NPLOC4: variants seen among roughly 807,000 people sequenced by gnomAD.
NPLOC4 encodes the protein NPL4 homolog, ubiquitin recognition factor.
In NPLOC4, 18 loss-of-function variants were observed where a neutral mutation model predicts 80.6. The observed-to-expected ratio is 0.22, with a 90% CI of 0.15 to 0.33. NPLOC4 has a LOEUF of 0.33. Ranked by LOEUF, NPLOC4 falls within the 10% of genes least tolerant of loss-of-function variation. The pLI, the probability that NPLOC4 is intolerant of heterozygous loss-of-function variation, is 1.00. For missense variants in NPLOC4, 540 were observed against 786.1 expected, an observed-to-expected ratio of 0.69 and a Z score of 3.74; for synonymous variants, 313 against 301.5, an observed-to-expected ratio of 1.04 and a Z score of -0.39.
intron 8 of NPLOC4, among the ~76,000 whole-genome samples, chr17:81,602,228 A>T (rs905651690): frequency 6.6e-6 from 1 of 152,078 alleles, no homozygotes; most frequent in African/African-American, 2.4e-5. Flanking sequence ...TCAAAACAAA[A>T]CAAAACAAAC....
In NPLOC4 at chr17:81,577,191, T is replaced by TC. The variant is rs1485818037; in HGVS notation, c.1282-5104dup. ...TGAAGGAACGCTGTTCCCTTGCTGC[T>TC]CCTATGTCCCCTCAGCTCCCCACGG... On this transcript the variant is annotated intron_variant, in intron 12 of 16. Transcript: ENST00000331134. The surrounding 1 kb of genome is among the most constrained non-coding windows in gnomAD (Gnocchi z 4.3). Among the ~76,000 whole-genome samples the TC allele has an allele frequency of 6.6e-6, 1 of 151,886 alleles. No homozygotes were observed. The highest frequency in any genetic ancestry group is 1.5e-5 in the Non-Finnish European group (1 of 67,970).
chr17:81,617,728 G>T (rs1183651550), intron 3 of NPLOC4, among the ~76,000 whole-genome samples: 1 of 142,862 alleles, frequency 7.0e-6, no homozygotes, highest in Non-Finnish European at 1.5e-5. Context: ...GGACTGTACT[G>T]CTGCCATCTC....
intron 2 of NPLOC4, among the ~76,000 whole-genome samples, chr17:81,626,633 G>A (rs2035802581): frequency 6.6e-6 from 1 of 152,090 alleles, no homozygotes; most frequent in African/African-American, 2.4e-5. Context: ...AGGAAATCAA[G>A]ACCAGCCTAG....
rs916787216 is a variant in NPLOC4 at position 81,588,991 on chromosome 17, C to T, written c.1234G>A (p.Ala412Thr). The T allele has an allele frequency of 1.2e-6, 2 of 1,614,034 alleles. No individual in the cohort carries two copies. Among genetic ancestry groups the T allele is most frequent in the Non-Finnish European group, 1.7e-6 (2 of 1,179,890 alleles). ...TACTGCTCACTGCTAGACTCCTTGG[C>T]GTAGCCAAGCTCCGGGGCGTCCTTG... ...PCKDAPELGYAKESSSEQYVP... is the reference protein window; with the variant it reads ...PCKDAPELGYTKESSSEQYVP... The change falls in exon 12 of 17, where the codon GCC (alanine) becomes ACC (threonine). Residue 412 changes from alanine (A) to threonine (T), a missense_variant. Around this residue, in one of 6 missense-constraint regions of NPLOC4, gnomAD observed 251 missense variants for 377.5 expected, o/e 0.66. Coordinates refer to ENST00000331134, the MANE Select transcript of NPLOC4 (RefSeq NM_017921.4).
In NPLOC4 at chr17:81,580,639, C is replaced by A. The variant is rs886556688; in HGVS notation, c.1281+8305G>T. Among the ~76,000 whole-genome samples, 45 of 152,150 alleles carry A rather than the reference C, an allele frequency of 3.0e-4. No homozygotes were observed. Among genetic ancestry groups the A allele is most frequent in the African/African-American group, 1.0e-3 (43 of 41,442 alleles). ...TCTGCCAATTGACACCTTCTCTCCC[C>A]TCTCAGGACTCGACCCACCAGGGCA... is the stretch of plus-strand genomic sequence containing the variant. On this transcript the variant is annotated intron_variant, in intron 12 of 16. Coordinates refer to ENST00000331134, the MANE Select transcript of NPLOC4 (RefSeq NM_017921.4). This position sits in a 1 kb window ranked among gnomAD's most constrained non-coding sequence, Gnocchi z 4.4.
intron 9 of NPLOC4, among the ~76,000 whole-genome samples, chr17:81,597,944 A>C (rs1196769172): frequency 1.3e-5 from 2 of 150,092 alleles, no homozygotes; most frequent in Non-Finnish European, 3.0e-5. Flanking sequence ...AATAGAAAAA[A>C]ATTAGCCGGG....
chr17:81,633,390 G>A (rs2035981587), intron 1 of NPLOC4, among the ~76,000 whole-genome samples: 1 of 152,156 alleles, frequency 6.6e-6, no homozygotes. Context: ...ATTCTTTACA[G>A]AGCTAAATGG....
Position 81,585,170 on chromosome 17 carries a change from C to CAAAAAAAAAAAAAA in NPLOC4, c.1281+3760_1281+3773dup, listed in dbSNP as rs35473939. 2.4e-4 allele frequency among the ~76,000 whole-genome samples: 10 copies of CAAAAAAAAAAAAAA among 40,872 alleles called. 1 individual carries two copies. The highest frequency in any genetic ancestry group is 1.2e-3 in the African/African-American group (9 of 7,622). The allele number at this position is 40,872 out of a possible 152,430, so 26.8% of individuals were successfully genotyped here. ...GGGCGACAGAACGAGACTCTGTCGC[C>CAAAAAAAAAAAAAA]AAAAAAAAAAAAAAAAAAAAAAAAA... On this transcript the variant is annotated intron_variant, in intron 12 of 16. Transcript: ENST00000331134.
Position 81,559,298 on chromosome 17 carries a change from G to A in NPLOC4, c.1788C>T (p.Gly596=). 4 of 1,606,256 alleles carry A rather than the reference G, an allele frequency of 2.5e-6. No individual in the cohort carries two copies. Among genetic ancestry groups the A allele is most frequent in the Non-Finnish European group, 2.5e-6 (3 of 1,176,822 alleles). Residue 596 remains glycine, a synonymous_variant, in exon 17 of 17, where the codon GGC becomes GGT. Coordinates refer to ENST00000331134, the MANE Select transcript of NPLOC4 (RefSeq NM_017921.4). ...GGCTGCACATCTCGCAGTGGCCTGTGCCTGGCTGGTTCATGAACGTGCAGT... is the reference window on the plus strand; with the variant it reads ...GGCTGCACATCTCGCAGTGGCCTGTACCTGGCTGGTTCATGAACGTGCAGT... ...CQHCTFMNQP[G]TGHCEMCSLP...
intron 13 of NPLOC4, among the ~76,000 whole-genome samples, chr17:81,571,275 C>T (rs1194206118): frequency 1.3e-5 from 2 of 152,212 alleles, no homozygotes; most frequent in South Asian, 2.1e-4. Context: ...AGCCGCCTCC[C>T]GTCCGCTTTG....
intron 12 of NPLOC4, among the ~76,000 whole-genome samples, chr17:81,578,925 T>C (rs2034368670): frequency 6.6e-6 from 1 of 152,240 alleles, no homozygotes; most frequent in South Asian, 2.1e-4. Context: ...AAATGTTCCA[T>C]ATTTATTTAT....
chr17:81,587,656 G>GGAAA (rs1568133661), intron 12 of NPLOC4, among the ~76,000 whole-genome samples: 2 of 115,254 alleles, frequency 1.7e-5, no homozygotes, highest in Admixed American at 1.9e-4. Context: ...AAGGAAAAAA[G>GGAAA]AAACAAAGAA....
rs574821548 is a variant in NPLOC4, at chr17:81,580,812, G to A, written c.1281+8132C>T. ...CTCTAAACATGAGAGAATGGATGCC[G>A]TGAGAGCATCGCACAGTGAATCAGG... On this transcript the variant is annotated intron_variant, in intron 12 of 16. Coordinates refer to ENST00000331134, the MANE Select transcript of NPLOC4 (RefSeq NM_017921.4). This position sits in a 1 kb window ranked among gnomAD's most constrained non-coding sequence, Gnocchi z 4.4. Among the ~76,000 whole-genome samples the A allele has an allele frequency of 3.7e-4, 57 of 152,328 alleles. 1 individual carries two copies. In the East Asian group the frequency reaches 4.1e-3, roughly 11 times the overall value.
At chr17:81,589,216 TC>T in intron 11 of NPLOC4, 112 bp from the exon 12 acceptor site, 1 of 962,352 alleles carries the variant, frequency 1.0e-6, no homozygotes, top group Non-Finnish European at 1.5e-6. Flanking sequence ...CAAGAGTTTG[TC>T]GGGGGTAAGA....
chr17:81,630,269 C>A (rs2035894613), intron 1 of NPLOC4, among the ~76,000 whole-genome samples: 1 of 151,130 alleles, frequency 6.6e-6, no homozygotes, highest in African/African-American at 2.4e-5. Context: ...AAAAGAATCA[C>A]AGGAAATTTT....
At chr17:81,616,234 T>C (rs539999739) in intron 3 of NPLOC4, among the ~76,000 whole-genome samples, 6 of 145,584 alleles carry the variant, frequency 4.1e-5, no homozygotes, top group African/African-American at 1.5e-4. Context: ...GACAGGAGAA[T>C]GGCATGAACC....
At chr17:81,634,072 G>A (rs371448578) in intron 1 of NPLOC4, among the ~76,000 whole-genome samples, 24 of 151,290 alleles carry the variant, frequency 1.6e-4, no homozygotes, top group Admixed American at 4.0e-4. Context: ...GGGTTTCACC[G>A]TGTTGCCCAG....
intron 3 of NPLOC4, among the ~76,000 whole-genome samples, chr17:81,616,075 T>C (rs1320810996): frequency 6.6e-6 from 1 of 151,682 alleles, no homozygotes; most frequent in East Asian, 1.9e-4. Context: ...TCCCAGCACT[T>C]TGGGAGGCTG....
At chr17:81,633,302 G>A (rs1308534918) in intron 1 of NPLOC4, among the ~76,000 whole-genome samples, 2 of 152,038 alleles carry the variant, frequency 1.3e-5, no homozygotes, top group Admixed American at 6.6e-5. Flanking sequence ...TCTTAAAAAG[G>A]AAAGCTCTGT....
Sources: gnomAD v4.1 joint callset for allele counts (sites outside exome capture counted in the v4.1 genomes callset) on GRCh38, gnomAD v4.1.1 for gene constraint, gnomAD v4.1.1 regional missense constraint, Gnocchi (gnomAD v3.1) non-coding constraint, MANE v1.5 for transcripts, NCBI Gene and HGNC (gene_info 2026-07-23, HGNC 2026-07-21) for gene names.